Variants in ZPBP observed in about 807,000 individuals in gnomAD.
ZPBP encodes the protein zona pellucida-binding protein 1.
A neutral mutation model predicts 44.8 loss-of-function variants in ZPBP; 26 were observed. The observed-to-expected ratio is 0.58, with a 90% CI of 0.43 to 0.81. The LOEUF is 0.81. Ranked by LOEUF, ZPBP falls within the 30% of genes least tolerant of loss-of-function variation. The pLI is 0.00. For missense variants in ZPBP, 409 were observed against 434.0 expected, an observed-to-expected ratio of 0.94 and a Z score of 0.51; for synonymous variants, 174 against 153.2, an observed-to-expected ratio of 1.14 and a Z score of -1.00.
chr7:49,923,981 G>A (rs1196910034), intron 1 of ZPBP, among the ~76,000 whole-genome samples: 2 of 152,084 alleles, frequency 1.3e-5, no homozygotes, highest in African/African-American at 4.8e-5. Flanking sequence ...AAATTAGCTG[G>A]GCATGATGGC....
At chr7:49,899,261 G>A (rs1792575586) in intron 2 of ZPBP, among the ~76,000 whole-genome samples, 1 of 151,990 alleles carries the variant, frequency 6.6e-6, no homozygotes, top group Non-Finnish European at 1.5e-5. Context: ...TAGACAAGGG[G>A]ATGATTTATG....
At chr7:49,875,398 C>A (rs1343190215) in intron 2 of ZPBP, among the ~76,000 whole-genome samples, 4,183 of 41,644 alleles carry the variant, frequency 0.1, 1 homozygote, top group East Asian at 0.14. Flanking sequence ...AAAAAAAAAA[C>A]AGGAATAAAT....
At chr7:49,929,545 G>A (rs1000506568) in intron 1 of ZPBP, among the ~76,000 whole-genome samples, 12 of 152,224 alleles carry the variant, frequency 7.9e-5, no homozygotes, top group Non-Finnish European at 1.3e-4. Flanking sequence ...CTAAAACCAA[G>A]TTGATAGCAG....
intron 6 of ZPBP, among the ~76,000 whole-genome samples, chr7:50,017,458 A>G (rs1010329324): frequency 6.6e-6 from 1 of 152,242 alleles, no homozygotes; most frequent in African/African-American, 2.4e-5. Flanking sequence ...CTGGTTCCTA[A>G]CAGGCCATGG....
chr7:49,853,270 C>T lies in ZPBP; in HGVS notation n.510-2756G>A, dbSNP rs566677039. ...GCATGGCAGACCCTATCAGGTATGA[C>T]TGTAGTCTCCCTTAGGAACCTGTGG... On this transcript the variant is annotated intron_variant and non_coding_transcript_variant, in intron 2 of 2. Transcript: ENST00000465922. Among the ~76,000 whole-genome samples, 17 of 152,374 alleles carry T rather than the reference C, an allele frequency of 1.1e-4. No individual in the cohort carries two copies. In the South Asian group the frequency reaches 3.5e-3, roughly 32 times the overall value.
chr7:49,940,684 TA>T (rs201579280), intron 7 of ZPBP: 31,240 of 644,506 alleles, frequency 0.048, 5 homozygotes, highest in Non-Finnish European at 0.055. Flanking sequence ...TTGAAATGAT[TA>T]AAAAAAAAAA....
chr7:50,076,628 T>G (rs1562611179), intron 3 of ZPBP, among the ~76,000 whole-genome samples: 6 of 151,020 alleles, frequency 4.0e-5, no homozygotes. Flanking sequence ...TAAAAAGAAA[T>G]AAAAAAGTAA....
chr7:50,013,329 TGTA>T (rs1303602730), intron 6 of ZPBP, among the ~76,000 whole-genome samples: 1 of 151,958 alleles, frequency 6.6e-6, no homozygotes, highest in Admixed American at 6.6e-5. Flanking sequence ...TTTCTCTGAC[TGTA>T]AAGAATAGAG....
intron 1 of ZPBP, among the ~76,000 whole-genome samples, chr7:49,903,099 T>C (rs896665166): frequency 6.6e-6 from 1 of 152,152 alleles, no homozygotes; most frequent in Non-Finnish European, 1.5e-5. Flanking sequence ...AAACAAAAAC[T>C]TGTGACAAGA....
At chr7:50,037,219 G>A (rs575901010) in intron 4 of ZPBP, among the ~76,000 whole-genome samples, 1 of 152,254 alleles carries the variant, frequency 6.6e-6, no homozygotes, top group Admixed American at 6.5e-5. Context: ...GAGGAGCTCT[G>A]CAAACTCCAA....
At chr7:50,090,054 T>A (rs1441590988) in intron 1 of ZPBP, among the ~76,000 whole-genome samples, 1 of 152,172 alleles carries the variant, frequency 6.6e-6, no homozygotes, top group African/African-American at 2.4e-5. Flanking sequence ...CCACAGTACA[T>A]CACCAGCACC....
At chr7:49,848,609 C>A (rs550012497), downstream of ZPBP, among the ~76,000 whole-genome samples, 6 of 152,230 alleles carry the variant, frequency 3.9e-5, no homozygotes, top group Non-Finnish European at 5.9e-5. Context: ...CATCTTTTCC[C>A]TTTCTCCACT....
chr7:50,092,433 T>C (rs1448549898), intron 1 of ZPBP, among the ~76,000 whole-genome samples: 3 of 152,210 alleles, frequency 2.0e-5, no homozygotes, highest in Non-Finnish European at 2.9e-5. Context: ...CTTTTTTCAT[T>C]TGAAGCAAAT....
intron 6 of ZPBP, among the ~76,000 whole-genome samples, chr7:49,987,316 A>G (rs879406578): frequency 6.6e-6 from 1 of 152,090 alleles, no homozygotes; most frequent in Non-Finnish European, 1.5e-5. Flanking sequence ...CTCTTCCTAA[A>G]CTTTATTTTC....
intron 2 of ZPBP, among the ~76,000 whole-genome samples, chr7:49,886,807 T>C (rs1791923088): frequency 6.6e-6 from 1 of 152,244 alleles, no homozygotes; most frequent in Non-Finnish European, 1.5e-5. Flanking sequence ...CACAACACTT[T>C]GGTGCTCCTC....
At chr7:49,874,003 A>AGTGT (rs147898113) in intron 2 of ZPBP, among the ~76,000 whole-genome samples, 1 of 151,252 alleles carries the variant, frequency 6.6e-6, no homozygotes, top group South Asian at 2.1e-4. Context: ...TATTGTTTGG[A>AGTGT]GTGTGTGTGT....
chr7:50,003,294 C>T (rs1048397544), intron 6 of ZPBP, among the ~76,000 whole-genome samples: 1 of 152,120 alleles, frequency 6.6e-6, no homozygotes, highest in Non-Finnish European at 1.5e-5. Flanking sequence ...ATTAAAATGG[C>T]TTTGTAAGAA....
At chr7:50,025,414 T>C (rs888666727) in intron 5 of ZPBP, among the ~76,000 whole-genome samples, 2 of 151,880 alleles carry the variant, frequency 1.3e-5, no homozygotes, top group Admixed American at 6.6e-5. Flanking sequence ...CAAGATAGTA[T>C]AGTACTGATG....
At chr7:50,054,588 T>A (rs1436299684) in intron 4 of ZPBP, among the ~76,000 whole-genome samples, 1 of 152,094 alleles carries the variant, frequency 6.6e-6, no homozygotes, top group Non-Finnish European at 1.5e-5. Flanking sequence ...TTTCTAAAAT[T>A]TTTAAAGGTT....
Sources: gnomAD v4.1 joint callset for allele counts (sites outside exome capture counted in the v4.1 genomes callset) on GRCh38, gnomAD v4.1.1 for gene constraint, MANE v1.5 for transcripts, NCBI Gene and HGNC (gene_info 2026-07-23, HGNC 2026-07-21) for gene names.